PRKN: variants seen among roughly 807,000 people sequenced by gnomAD.
PRKN encodes parkin RBR E3 ubiquitin protein ligase.
In PRKN, 56 loss-of-function variants were observed where a neutral mutation model predicts 59.5. The ratio of observed to expected loss-of-function variants is 0.94; its 90% confidence interval spans 0.76 to 1.18. The LOEUF (loss-of-function observed/expected upper bound fraction) is 1.18. Ranked by LOEUF, PRKN falls within the 50% of genes most tolerant of loss-of-function variation. The pLI, the probability that PRKN is intolerant of heterozygous loss-of-function variation, is 0.00. For missense variants in PRKN, 657 were observed against 596.4 expected (o/e 1.10, Z -1.06); for synonymous variants, 250 against 222.1 (o/e 1.13, Z -1.12).
chr6:162,324,300 G>C (rs116548326), intron 2 of PRKN, among the ~76,000 whole-genome samples: 1 of 152,156 alleles, frequency 6.6e-6, no homozygotes, highest in South Asian at 2.1e-4. Context: ...GGAAGGTGCC[G>C]CAAAGCAGCA....
rs1779804356 is a variant in PRKN at position 161,546,606 on chromosome 6, C to T, written c.1083+2248G>A. ...AATCACTTCTCTGTTCTTTTTTCAG[C>T]TTCTTCAAATTGCAAACTGTGGTGG... On this transcript the variant is annotated intron_variant, in intron 9 of 11. Coordinates refer to ENST00000366898, the MANE Select transcript of PRKN (RefSeq NM_004562.3). This position sits in a 1 kb window ranked among gnomAD's most constrained non-coding sequence, Gnocchi z 4.4. 6.6e-6 allele frequency among the ~76,000 whole-genome samples: 1 copy of T among 152,026 alleles called. No homozygotes were observed. Among genetic ancestry groups the T allele is most frequent in the Admixed American group, 6.6e-5 (1 of 15,234 alleles).
At chr6:162,142,569 T>G (rs933905038) in intron 4 of PRKN, among the ~76,000 whole-genome samples, 1 of 152,186 alleles carries the variant, frequency 6.6e-6, no homozygotes, top group African/African-American at 2.4e-5. Flanking sequence ...CCCCTGGATT[T>G]TTTATTTATG....
intron 11 of PRKN, among the ~76,000 whole-genome samples, chr6:161,351,716 C>T (rs1784560897): frequency 6.6e-6 from 1 of 152,130 alleles, no homozygotes; most frequent in South Asian, 2.1e-4. Context: ...ATTAATAATG[C>T]TAGGTGTTCT....
At chr6:162,417,732 C>T (rs1330652548) in intron 2 of PRKN, among the ~76,000 whole-genome samples, 3 of 152,202 alleles carry the variant, frequency 2.0e-5, no homozygotes, top group South Asian at 2.1e-4. Context: ...TTATGGCTTT[C>T]GGTTTCTAGC....
intron 7 of PRKN, among the ~76,000 whole-genome samples, chr6:161,656,039 T>C (rs1384405264): frequency 6.6e-6 from 1 of 152,186 alleles, no homozygotes; most frequent in Non-Finnish European, 1.5e-5. Context: ...AGCTTTCTAG[T>C]CTGGGGAGAC....
chr6:162,154,759 C>G (rs1422181413), intron 4 of PRKN, among the ~76,000 whole-genome samples: 1 of 151,970 alleles, frequency 6.6e-6, no homozygotes, highest in Non-Finnish European at 1.5e-5. Flanking sequence ...ATAATCAAAA[C>G]AATTCATAAT....
chr6:162,235,802 CAAAGAAAG>C (rs995003795), intron 3 of PRKN, among the ~76,000 whole-genome samples: 2 of 137,974 alleles, frequency 1.4e-5, no homozygotes, highest in South Asian at 2.3e-4. Context: ...GACTCTGTCT[CAAAGAAAG>C]AAAGAAAGAA....
Position 162,587,876 on chromosome 6 carries a change from G to T in PRKN, c.7+139786C>A, listed in dbSNP as rs1040747608. On this transcript the variant is annotated intron_variant, in intron 1 of 11. Coordinates refer to ENST00000366898, the MANE Select transcript of PRKN (RefSeq NM_004562.3). ...ATGCAGAATAAAGGGAGAGAAAAAT[G>T]TATCTATGTTGCAAGGAGATTATAC... Among the ~76,000 whole-genome samples the T allele has an allele frequency of 2.0e-5, 3 of 152,070 alleles. No homozygotes were observed. The East Asian group carries it at 5.8e-4, about 29-fold the overall frequency.
At chr6:162,516,028 G>A (rs558158368) in intron 1 of PRKN, among the ~76,000 whole-genome samples, 44 of 152,322 alleles carry the variant, frequency 2.9e-4, no homozygotes, top group African/African-American at 1.0e-3. Flanking sequence ...TCTTACCCCA[G>A]TAAGCTGCTT....
intron 7 of PRKN, among the ~76,000 whole-genome samples, chr6:161,670,816 A>AAAAC (rs56922951): frequency 0.6 from 90,746 of 150,070 alleles, 29,208 homozygotes; most frequent in East Asian, 0.76. Context: ...CTCTGTCTCA[A>AAAAC]AAACAAACAA....
At chr6:162,643,250 T>C (rs1416077968) in intron 1 of PRKN, among the ~76,000 whole-genome samples, 1 of 151,488 alleles carries the variant, frequency 6.6e-6, no homozygotes, top group East Asian at 1.9e-4. Context: ...ATATAAAAAT[T>C]AACCAGGCAT....
At chr6:161,848,213 G>A (rs1793279731) in intron 6 of PRKN, among the ~76,000 whole-genome samples, 1 of 151,638 alleles carries the variant, frequency 6.6e-6, no homozygotes, top group South Asian at 2.1e-4. Context: ...TTTCTTTTTG[G>A]GTCATTGTTT....
At chr6:161,769,736 G>A (rs971049673) in intron 7 of PRKN, among the ~76,000 whole-genome samples, 7 of 152,134 alleles carry the variant, frequency 4.6e-5, no homozygotes, top group African/African-American at 1.7e-4. Context: ...CTGGATCTTG[G>A]ATGTGGGGAT....
chr6:162,561,153 T>A (rs530451513), intron 1 of PRKN, among the ~76,000 whole-genome samples: 2 of 152,116 alleles, frequency 1.3e-5, no homozygotes, highest in African/African-American at 4.8e-5. Context: ...CATGGAGTGA[T>A]GAAGATAAAG....
intron 3 of PRKN, among the ~76,000 whole-genome samples, chr6:162,230,802 A>G (rs2128085796): frequency 6.6e-6 from 1 of 152,348 alleles, no homozygotes; most frequent in East Asian, 1.9e-4. Flanking sequence ...ACCAAGTCAC[A>G]GTGAAGAGAA....
intron 6 of PRKN, among the ~76,000 whole-genome samples, chr6:161,841,871 A>T (rs1036375292): frequency 6.6e-6 from 1 of 152,094 alleles, no homozygotes; most frequent in African/African-American, 2.4e-5. Flanking sequence ...AACAACCCCC[A>T]ACCACTCTGT....
intron 2 of PRKN, among the ~76,000 whole-genome samples, chr6:162,393,465 T>G (rs1011423696): frequency 6.6e-6 from 1 of 151,948 alleles, no homozygotes; most frequent in Non-Finnish European, 1.5e-5. Context: ...CGGCCGAGGC[T>G]AGGAGATTCA....
At chr6:162,562,458 G>A (rs527267455) in intron 1 of PRKN, among the ~76,000 whole-genome samples, 18 of 152,252 alleles carry the variant, frequency 1.2e-4, no homozygotes, top group African/African-American at 1.7e-4. Flanking sequence ...GGGCCAGTGG[G>A]AAGTCCACTG....
chr6:161,517,515 C>T (rs1180834314), intron 9 of PRKN, among the ~76,000 whole-genome samples: 2 of 151,764 alleles, frequency 1.3e-5, no homozygotes, highest in African/African-American at 4.8e-5. Flanking sequence ...CCAAAGCAGG[C>T]AGATCACAAG....
Sources: gnomAD v4.1 joint callset for allele counts (sites outside exome capture counted in the v4.1 genomes callset) on GRCh38, gnomAD v4.1.1 for gene constraint, Gnocchi (gnomAD v3.1) non-coding constraint, MANE v1.5 for transcripts, NCBI Gene and HGNC (gene_info 2026-07-23, HGNC 2026-07-21) for gene names.